Variants in PHACTR1 observed in about 807,000 individuals in gnomAD.
The protein encoded by PHACTR1 is phosphatase and actin regulator 1, also known as RPEL repeat containing 1.
A neutral mutation model predicts 69.2 loss-of-function variants in PHACTR1; 16 were observed. The ratio of observed to expected loss-of-function variants is 0.23; its 90% CI spans 0.16 to 0.35. The LOEUF is 0.35. PHACTR1 is among the 10% of genes least tolerant of loss of function. The pLI is 1.00. For missense variants in PHACTR1, 510 were observed against 734.7 expected, an observed-to-expected ratio of 0.69 and a Z score of 3.54; for synonymous variants, 312 against 284.5, an observed-to-expected ratio of 1.10 and a Z score of -0.97.
chr6:13,082,751 G>C (rs1238195351), intron 5 of PHACTR1, among the ~76,000 whole-genome samples: 1 of 152,180 alleles, frequency 6.6e-6, no homozygotes, highest in Admixed American at 6.5e-5. Flanking sequence ...GTCTTCTTTT[G>C]AGAAGTGTCT....
chr6:13,057,089 G>A (rs115129402), intron 5 of PHACTR1, among the ~76,000 whole-genome samples: 2,330 of 152,212 alleles, frequency 0.015, 71 homozygotes, highest in African/African-American at 0.053. Context: ...TGATAATAGC[G>A]TAGACTATAG....
intron 4 of PHACTR1, among the ~76,000 whole-genome samples, chr6:12,853,376 G>C (rs1234615741): frequency 6.6e-6 from 1 of 152,148 alleles, no homozygotes; most frequent in Non-Finnish European, 1.5e-5. Flanking sequence ...TGGCACAGGA[G>C]ATAGGATTTA....
chr6:12,818,654 A>G (rs888679458), intron 4 of PHACTR1, among the ~76,000 whole-genome samples: 1 of 152,320 alleles, frequency 6.6e-6, no homozygotes, highest in African/African-American at 2.4e-5. Flanking sequence ...AGAATTCTTT[A>G]GTATATTTTC....
At chr6:13,261,926 A>G (rs1012775039) in intron 10 of PHACTR1, among the ~76,000 whole-genome samples, 3 of 152,258 alleles carry the variant, frequency 2.0e-5, no homozygotes, top group African/African-American at 7.2e-5. Context: ...GGTGAAGGAC[A>G]GAATGGGCAG....
chr6:13,011,705 G>A (rs1260551669), intron 4 of PHACTR1, among the ~76,000 whole-genome samples: 1 of 152,166 alleles, frequency 6.6e-6, no homozygotes, highest in Non-Finnish European at 1.5e-5. Flanking sequence ...AGAGTAAGGC[G>A]GAAAAGGCAT....
At chr6:12,730,194 C>T (rs935210083) in intron 3 of PHACTR1, among the ~76,000 whole-genome samples, 1 of 152,114 alleles carries the variant, frequency 6.6e-6, no homozygotes, top group Non-Finnish European at 1.5e-5. Flanking sequence ...TTACATTGGC[C>T]TCTGAATATG....
intron 5 of PHACTR1, among the ~76,000 whole-genome samples, chr6:13,088,765 G>T (rs1812727100): frequency 6.6e-6 from 1 of 152,084 alleles, no homozygotes. Flanking sequence ...ACCTTGAAGA[G>T]CCCTTCTAAG....
At chr6:13,051,733 C>T (rs1805980427) in intron 4 of PHACTR1, among the ~76,000 whole-genome samples, 1 of 152,218 alleles carries the variant, frequency 6.6e-6, no homozygotes. Context: ...CTCCTCTTCA[C>T]TTACATTGAG....
At chr6:12,820,168 A>C (rs1776044523) in intron 4 of PHACTR1, among the ~76,000 whole-genome samples, 1 of 151,982 alleles carries the variant, frequency 6.6e-6, no homozygotes, top group Non-Finnish European at 1.5e-5. Flanking sequence ...TCAGTAAACA[A>C]GTTTTTTTGT....
At chr6:13,029,799 A>G (rs1802205890) in intron 4 of PHACTR1, among the ~76,000 whole-genome samples, 1 of 152,242 alleles carries the variant, frequency 6.6e-6, no homozygotes, top group African/African-American at 2.4e-5. Context: ...GTGCATATGT[A>G]AATAAGAATG....
At chr6:13,160,544 C>T (rs1054685659) in intron 6 of PHACTR1, among the ~76,000 whole-genome samples, 13 of 152,126 alleles carry the variant, frequency 8.5e-5, no homozygotes, top group African/African-American at 3.1e-4. Context: ...ATGATGTGGC[C>T]CCGGGAATGA....
At chr6:13,244,013 T>C (rs1773224736) in intron 10 of PHACTR1, among the ~76,000 whole-genome samples, 1 of 152,174 alleles carries the variant, frequency 6.6e-6, no homozygotes, top group Non-Finnish European at 1.5e-5. Context: ...TGGGTATTTT[T>C]TCAGGGGACC....
intron 4 of PHACTR1, among the ~76,000 whole-genome samples, chr6:13,010,058 C>T (rs1799268571): frequency 6.6e-6 from 1 of 152,154 alleles, no homozygotes; most frequent in African/African-American, 2.4e-5. Context: ...TGGTTACAAA[C>T]TTCCACACGT....
intron 7 of PHACTR1, among the ~76,000 whole-genome samples, chr6:13,197,286 C>G (rs1463540189): frequency 6.6e-6 from 1 of 152,284 alleles, no homozygotes; most frequent in East Asian, 1.9e-4. Flanking sequence ...AGAGGATGCC[C>G]CTTCCTCTAG....
At chr6:13,075,537 G>A (rs1810306268) in intron 5 of PHACTR1, among the ~76,000 whole-genome samples, 1 of 152,084 alleles carries the variant, frequency 6.6e-6, no homozygotes, top group Non-Finnish European at 1.5e-5. Context: ...ATTGGTTCTG[G>A]CACCTGCTCC....
intron 4 of PHACTR1, among the ~76,000 whole-genome samples, chr6:12,888,717 T>C (rs924396526): frequency 5.3e-5 from 8 of 152,214 alleles, no homozygotes; most frequent in Non-Finnish European, 8.8e-5. Context: ...TCAGTTTTGC[T>C]GCAGTACAAA....
chr6:13,250,731 G>C (rs926154794), intron 10 of PHACTR1, among the ~76,000 whole-genome samples: 3 of 152,198 alleles, frequency 2.0e-5, no homozygotes, highest in African/African-American at 7.2e-5. Flanking sequence ...AGGAAAAGGT[G>C]GGGGCTGGAA....
chr6:13,212,785 A>T (rs1326702397), intron 8 of PHACTR1, among the ~76,000 whole-genome samples: 1 of 152,102 alleles, frequency 6.6e-6, no homozygotes, highest in African/African-American at 2.4e-5. Flanking sequence ...CCCTGGACGG[A>T]CTGCCCTTCC....
intron 4 of PHACTR1, among the ~76,000 whole-genome samples, chr6:12,885,868 G>T (rs1169507376): frequency 6.6e-6 from 1 of 152,208 alleles, no homozygotes; most frequent in Non-Finnish European, 1.5e-5. Context: ...GCCGAGGCGG[G>T]CGTATCACCT....
Sources: allele counts gnomAD v4.1 joint callset (sites outside exome capture counted in the v4.1 genomes callset), GRCh38; gene constraint gnomAD v4.1.1; transcripts MANE v1.5; gene names NCBI Gene and HGNC (gene_info 2026-07-23, HGNC 2026-07-21).